Variants in DCC observed in about 807,000 individuals in gnomAD.
DCC encodes netrin receptor DCC.
A neutral mutation model predicts 172.5 loss-of-function variants in DCC; 58 were observed. That is an observed-to-expected ratio of 0.34 (90% CI 0.27 to 0.42). The LOEUF (loss-of-function observed/expected upper bound fraction) is 0.42, where lower values mean the gene tolerates loss of function less well. Ranked by LOEUF, DCC falls within the 10% of genes least tolerant of loss-of-function variation. DCC has a pLI of 1.00. For missense variants in DCC, 1,740 were observed against 1,791.0 expected (o/e 0.97, Z 0.51); for synonymous variants, 709 against 644.5 (o/e 1.10, Z -1.52).
chr18:53,425,248 T>C (rs893113742), intron 21 of DCC, among the ~76,000 whole-genome samples: 3 of 151,780 alleles, frequency 2.0e-5, no homozygotes, highest in Admixed American at 2.0e-4. Flanking sequence ...CAATTGAGAA[T>C]AGAGCCACCA....
At chr18:53,331,908 ATACTT>A (rs1376205274) in intron 14 of DCC, among the ~76,000 whole-genome samples, 3 of 152,234 alleles carry the variant, frequency 2.0e-5, no homozygotes, top group Non-Finnish European at 4.4e-5. Context: ...TCCCTAAAAA[ATACTT>A]TACATTTTTC....
chr18:53,517,878 C>T (rs1276835001), intron 27 of DCC, among the ~76,000 whole-genome samples: 1 of 152,076 alleles, frequency 6.6e-6, no homozygotes, highest in Non-Finnish European at 1.5e-5. Context: ...AATTCGATCA[C>T]TTATGAGGGA....
intron 8 of DCC, among the ~76,000 whole-genome samples, chr18:53,161,835 C>G (rs1252581702): frequency 1.3e-5 from 2 of 152,038 alleles, no homozygotes; most frequent in African/African-American, 2.4e-5. Flanking sequence ...CAAAATATAT[C>G]CTGAATCCAT....
chr18:52,872,638 A>G (rs1475319617), intron 2 of DCC, among the ~76,000 whole-genome samples: 2 of 152,228 alleles, frequency 1.3e-5, no homozygotes, highest in African/African-American at 4.8e-5. Context: ...ATGGTCTGTG[A>G]TAGACATTAC....
At chr18:53,236,286 C>T (rs780780912) in intron 12 of DCC, among the ~76,000 whole-genome samples, 74 of 152,248 alleles carry the variant, frequency 4.9e-4, no homozygotes, top group African/African-American at 1.3e-3. Flanking sequence ...TATACAGTTA[C>T]ATCACCTTGT....
intron 1 of DCC, among the ~76,000 whole-genome samples, chr18:52,639,165 C>A (rs948007659): frequency 6.6e-6 from 1 of 152,014 alleles, no homozygotes; most frequent in Non-Finnish European, 1.5e-5. Flanking sequence ...AAAGGCGATG[C>A]TAAGAGGAAA....
chr18:53,466,049 C>A (rs907837131), intron 24 of DCC, among the ~76,000 whole-genome samples: 3 of 152,188 alleles, frequency 2.0e-5, no homozygotes, highest in Non-Finnish European at 2.9e-5. Context: ...CAGGCATGAG[C>A]CACCACGCCC....
intron 2 of DCC, among the ~76,000 whole-genome samples, chr18:52,870,478 G>A (rs1277648313): frequency 6.6e-6 from 1 of 152,154 alleles, no homozygotes; most frequent in Non-Finnish European, 1.5e-5. Context: ...CGAATGAAAG[G>A]CCACTAAGTT....
chr18:52,449,402 C>A (rs1355591011), intron 1 of DCC, among the ~76,000 whole-genome samples: 4 of 152,128 alleles, frequency 2.6e-5, no homozygotes, highest in Non-Finnish European at 4.4e-5. Context: ...TTTGCAGATA[C>A]CCTGAAAGAT....
chr18:52,536,897 C>A (rs2032305596), intron 1 of DCC, among the ~76,000 whole-genome samples: 1 of 152,066 alleles, frequency 6.6e-6, no homozygotes, highest in African/African-American at 2.4e-5. Context: ...TGTATTGTGG[C>A]CAATTATATT....
At chr18:52,644,613 G>C (rs1475661115) in intron 1 of DCC, among the ~76,000 whole-genome samples, 2 of 150,190 alleles carry the variant, frequency 1.3e-5, no homozygotes, top group Non-Finnish European at 3.0e-5. Flanking sequence ...TGTAGAGTCA[G>C]ATGTGGTGGC....
At chr18:52,814,131 G>T (rs1425744546) in intron 2 of DCC, among the ~76,000 whole-genome samples, 1 of 152,300 alleles carries the variant, frequency 6.6e-6, no homozygotes, top group East Asian at 1.9e-4. Flanking sequence ...TTCTCCTAGA[G>T]GTGAGCCACA....
At chr18:52,358,714 G>A (rs1463848952) in intron 1 of DCC, among the ~76,000 whole-genome samples, 1 of 152,084 alleles carries the variant, frequency 6.6e-6, no homozygotes, top group Non-Finnish European at 1.5e-5. Flanking sequence ...CATGTTTCTA[G>A]GAGTCCTAAG....
chr18:53,486,335 C>T (rs1037798893), intron 25 of DCC, among the ~76,000 whole-genome samples: 6 of 152,156 alleles, frequency 3.9e-5, no homozygotes, highest in South Asian at 2.1e-4. Context: ...CTCTCTCTCT[C>T]GACTGTCCCT....
intron 5 of DCC, among the ~76,000 whole-genome samples, chr18:52,928,668 C>T (rs951685799): frequency 1.3e-5 from 2 of 152,100 alleles, no homozygotes; most frequent in African/African-American, 2.4e-5. Context: ...GTTACAGTAT[C>T]CTCTGTGGGA....
At chr18:52,468,653 A>G (rs1420431890) in intron 1 of DCC, among the ~76,000 whole-genome samples, 1 of 152,186 alleles carries the variant, frequency 6.6e-6, no homozygotes, top group African/African-American at 2.4e-5. Context: ...CCAGCCAACC[A>G]CTGCCATGCT....
At chr18:52,398,237 A>T (rs1311400235) in intron 1 of DCC, among the ~76,000 whole-genome samples, 1 of 151,870 alleles carries the variant, frequency 6.6e-6, no homozygotes, top group African/African-American at 2.4e-5. Flanking sequence ...AAATGTTTTA[A>T]AGTTATGTTA....
At position 53,515,870 on chromosome 18, in the gene DCC, C is replaced by A. The variant is rs1377063299; in HGVS notation, c.4112-10747C>A. On this transcript the variant is annotated intron_variant, in intron 27 of 28. Transcript: ENST00000442544. ...AATCAATATCGTCAAAATGGCCATA[C>A]TGCCCAAGGTAATTTACAGATTCAA... 4.6e-5 allele frequency among the ~76,000 whole-genome samples: 7 copies of A among 152,056 alleles called. No individual in the cohort carries two copies. The East Asian group carries it at 7.7e-4, about 17-fold the overall frequency.
intron 1 of DCC, among the ~76,000 whole-genome samples, chr18:52,482,092 A>G (rs533789926): frequency 6.6e-6 from 1 of 151,916 alleles, no homozygotes; most frequent in South Asian, 2.1e-4. Flanking sequence ...CGCCATATCC[A>G]CTCACCCACC....
Sources: allele counts gnomAD v4.1 joint callset (sites outside exome capture counted in the v4.1 genomes callset), GRCh38; gene constraint gnomAD v4.1.1; transcripts MANE v1.5; gene names NCBI Gene and HGNC (gene_info 2026-07-23, HGNC 2026-07-21).